The following FER1L6 variants were observed in gnomAD, a reference collection of about 807,000 sequenced individuals.
FER1L6 encodes the protein fer-1 like family member 6, also known as fer-1-like protein 6.
Under a neutral mutation model 219.2 loss-of-function variants are expected in FER1L6, and 177 were observed. The observed-to-expected ratio is 0.81, with a 90% CI of 0.71 to 0.91. FER1L6 has a LOEUF of 0.91. Among genes scored for constraint, FER1L6 ranks in the 40% least tolerant of loss-of-function variants. The pLI is 0.00. For synonymous variants in FER1L6, 768 were observed against 824.3 expected (o/e 0.93, Z 1.17); for missense variants, 2,153 against 2,259.9 (o/e 0.95, Z 0.96).
chr8:123,895,079 A>G (rs1812722257), intron 1 of FER1L6, among the ~76,000 whole-genome samples: 1 of 152,252 alleles, frequency 6.6e-6, no homozygotes, highest in Non-Finnish European at 1.5e-5. Flanking sequence ...TTGTATGCCA[A>G]CTGATAGGAT....
chr8:123,975,956 A>T lies in FER1L6; in HGVS notation c.742A>T (p.Arg248Ter), dbSNP rs774949000. 9 of 1,613,774 alleles carry T rather than the reference A, an allele frequency of 5.6e-6. No individual in the cohort carries two copies. The African/African-American group carries it at 1.1e-4, about 19-fold the overall frequency. ...LERPWARFYV[R>*]LYKAEGLPKM... is the part of the protein sequence containing the mutation. ...GAGACCGTGGGCCAGATTCTATGTG[A>T]GACTCTACAAAGCAGAAGGGTTGCC... Residue 248 changes from arginine (R) to a stop codon, truncating the protein, a stop_gained, in exon 9 of 41, where the codon AGA (arginine) becomes TGA (stop). Coordinates refer to ENST00000522917, the MANE Select transcript of FER1L6 (RefSeq NM_001039112.2). LOFTEE classifies it high-confidence loss of function.
intron 1 of FER1L6, among the ~76,000 whole-genome samples, chr8:123,937,690 A>G (rs1814065231): frequency 6.6e-6 from 1 of 152,206 alleles, no homozygotes; most frequent in Non-Finnish European, 1.5e-5. Context: ...TCATGGCCGA[A>G]TATAGATAAT....
At chr8:124,061,402 T>C (rs79498197) in intron 24 of FER1L6, among the ~76,000 whole-genome samples, 97 of 152,208 alleles carry the variant, frequency 6.4e-4, no homozygotes, top group African/African-American at 2.3e-3. Flanking sequence ...TTTGCAAACC[T>C]TTTGTATCAG....
intron 1 of FER1L6, among the ~76,000 whole-genome samples, chr8:123,887,745 A>T (rs1817231069): frequency 6.6e-6 from 1 of 151,956 alleles, no homozygotes; most frequent in Admixed American, 6.6e-5. Flanking sequence ...GGTCCCAGAG[A>T]GTGGGATTAG....
At chr8:124,116,373 A>C (rs1257804677) in intron 39 of FER1L6, among the ~76,000 whole-genome samples, 1 of 151,834 alleles carries the variant, frequency 6.6e-6, no homozygotes, top group East Asian at 1.9e-4. Flanking sequence ...AACACCATGC[A>C]AGTTATAAAG....
intron 1 of FER1L6, among the ~76,000 whole-genome samples, chr8:123,902,882 T>G (rs927735300): frequency 6.6e-6 from 1 of 152,296 alleles, no homozygotes; most frequent in Non-Finnish European, 1.5e-5. Flanking sequence ...TAACTCCTAT[T>G]TTTGTTTTAT....
In FER1L6 at chr8:124,049,759, G is replaced by A. The variant is rs142597505; in HGVS notation, c.2874+3G>A. On this transcript the variant is annotated splice_donor_region_variant and intron_variant, in intron 22 of 40. Coordinates refer to ENST00000522917, the MANE Select transcript of FER1L6 (RefSeq NM_001039112.2). The stretch of plus-strand genomic sequence containing the variant: ...TTGCTGTATTTGAACTGCTGCAGGT[G>A]AGTGAACCAGATGTGGCACGAGATC... The A allele has an allele frequency of 5.3e-4, 859 of 1,613,900 alleles. 2 individuals carry two copies. In the African/African-American group the frequency reaches 8.7e-3, roughly 16 times the overall value.
At chr8:124,052,438 T>C (rs1477435460) in intron 22 of FER1L6, among the ~76,000 whole-genome samples, 1 of 152,114 alleles carries the variant, frequency 6.6e-6, no homozygotes. Flanking sequence ...TTTCCCAAAG[T>C]CTACCTCTTG....
rs892653824 is a variant in FER1L6 at position 124,111,349 on chromosome 8, G to A, written c.5290-7495G>A. ...ATGGTCAGAGCCTTGGCTGAGCAGCGTGGAACCTGGTCCTGAAAGCCCTGC... is the reference window on the plus strand; with the variant it reads ...ATGGTCAGAGCCTTGGCTGAGCAGCATGGAACCTGGTCCTGAAAGCCCTGC... On this transcript the variant is annotated intron_variant, in intron 39 of 40. Transcript: ENST00000522917. The surrounding 1 kb of genome is among the most constrained non-coding windows in gnomAD (Gnocchi z 5.0). Among the ~76,000 whole-genome samples, 18 of 152,150 alleles carry A rather than the reference G, an allele frequency of 1.2e-4. No homozygotes were observed. The highest frequency in any genetic ancestry group is 2.1e-4 in the South Asian group (1 of 4,824).
At position 124,013,472 on chromosome 8, in the gene FER1L6, A is replaced by G. The variant is rs375609869; in HGVS notation, c.1863A>G (p.Ser621=). Residue 621 remains serine, a synonymous_variant, in exon 15 of 41, where the codon TCA becomes TCG. Coordinates refer to ENST00000522917, the MANE Select transcript of FER1L6 (RefSeq NM_001039112.2). ...IEEVRELIKI[S]QEAPEEKMKT... ...AAGTGAGAGAATTGATCAAGATTTCACAGGAGGCACCTGAAGAGAAAATGA... is the reference window on the plus strand; with the variant it reads ...AAGTGAGAGAATTGATCAAGATTTCGCAGGAGGCACCTGAAGAGAAAATGA... 68 of 1,610,666 alleles carry G rather than the reference A, an allele frequency of 4.2e-5. No homozygotes were observed. The highest frequency in any genetic ancestry group is 3.4e-5 in the Admixed American group (2 of 58,674).
At chr8:124,065,200 C>G (rs1229847041) in intron 26 of FER1L6, among the ~76,000 whole-genome samples, 3 of 151,662 alleles carry the variant, frequency 2.0e-5, no homozygotes, top group Non-Finnish European at 2.9e-5. Context: ...TCAAGACCAG[C>G]CTGGCCAACA....
At chr8:123,929,607 C>T (rs141477389) in intron 1 of FER1L6, among the ~76,000 whole-genome samples, 2 of 152,142 alleles carry the variant, frequency 1.3e-5, no homozygotes, top group South Asian at 2.1e-4. Flanking sequence ...CTTTCTGTTG[C>T]CCTCCAATTC....
chr8:123,995,733 C>T (rs1817103226), intron 12 of FER1L6, among the ~76,000 whole-genome samples: 1 of 151,892 alleles, frequency 6.6e-6, no homozygotes, highest in Admixed American at 6.6e-5. Context: ...CTTGCTTTTT[C>T]AACTCTTTAA....
chr8:123,888,466 A>T (rs543334388), intron 1 of FER1L6, among the ~76,000 whole-genome samples: 1 of 152,218 alleles, frequency 6.6e-6, no homozygotes, highest in Admixed American at 6.5e-5. Context: ...TGGAATCTGA[A>T]GTTTGCTGTT....
chr8:123,899,397 T>G (rs1409506599), intron 1 of FER1L6, among the ~76,000 whole-genome samples: 1 of 152,178 alleles, frequency 6.6e-6, no homozygotes, highest in Admixed American at 6.5e-5. Flanking sequence ...TGGTTGTAGA[T>G]TCTGGATATT....
chr8:124,033,986 G>C (rs1341274852), intron 18 of FER1L6, among the ~76,000 whole-genome samples: 2 of 152,092 alleles, frequency 1.3e-5, no homozygotes, highest in African/African-American at 4.8e-5. Context: ...AAGCTGAGTT[G>C]CTCATAATCC....
At chr8:123,905,842 T>C (rs1812943330) in intron 1 of FER1L6, among the ~76,000 whole-genome samples, 1 of 152,242 alleles carries the variant, frequency 6.6e-6, no homozygotes. Context: ...TTATTTTTTC[T>C]AAGTTGTACA....
Position 124,082,387 on chromosome 8 carries a change from C to T in FER1L6, c.4320C>T (p.Thr1440=). The change falls in exon 33 of 41, where the codon ACC becomes ACT. Residue 1440 remains threonine (T), a synonymous_variant. Transcript: ENST00000522917. The stretch of plus-strand genomic sequence containing the variant: ...GCACAGATGACCTTATTGGTGAGAC[C>T]AAGATCGACCTGGAGAACCGCTTCT... ...MIGTDDLIGE[T]KIDLENRFYS... 1 of 1,614,054 alleles carries T rather than the reference C, an allele frequency of 6.2e-7. No individual in the cohort carries two copies. Among genetic ancestry groups the T allele is most frequent in the South Asian group, 1.1e-5 (1 of 91,062 alleles).
At chr8:123,925,424 A>C (rs1038740150) in intron 1 of FER1L6, among the ~76,000 whole-genome samples, 1 of 152,216 alleles carries the variant, frequency 6.6e-6, no homozygotes, top group Non-Finnish European at 1.5e-5. Context: ...ACAGCATCAT[A>C]TTGACCAACA....
Sources: gnomAD v4.1 joint callset for allele counts (sites outside exome capture counted in the v4.1 genomes callset) on GRCh38, gnomAD v4.1.1 for gene constraint, Gnocchi (gnomAD v3.1) non-coding constraint, MANE v1.5 for transcripts, NCBI Gene and HGNC (gene_info 2026-07-23, HGNC 2026-07-21) for gene names.